The following XXYLT1 variants were observed in gnomAD, a reference collection of about 807,000 sequenced individuals.
XXYLT1 encodes UDP-xylose:alpha-xyloside alpha-1,3-xylosyltransferase.
XXYLT1 carries 20 observed loss-of-function variants against 28.9 expected under a neutral mutation model. The ratio of observed to expected loss-of-function variants is 0.69; its 90% CI spans 0.49 to 1.00. The LOEUF (loss-of-function observed/expected upper bound fraction) is 1.00. Ranked by LOEUF, XXYLT1 falls within the 50% of genes least tolerant of loss-of-function variation. The probability of loss-of-function intolerance (pLI) is 0.00; values close to 1 mark genes in which losing one functional copy is unlikely to be tolerated. For missense variants in XXYLT1, 542 were observed against 560.1 expected (o/e 0.97, Z 0.33); for synonymous variants, 257 against 253.8 (o/e 1.01, Z -0.12).
intron 1 of XXYLT1, among the ~76,000 whole-genome samples, chr3:195,266,452 C>A (rs1350635956): frequency 6.6e-6 from 1 of 151,828 alleles, no homozygotes; most frequent in African/African-American, 2.4e-5. Context: ...CGAGACCGCA[C>A]CACAGCACCC....
chr3:195,156,750 C>A (rs565384493), intron 2 of XXYLT1, among the ~76,000 whole-genome samples, 169 bp from the exon 3 acceptor site: 1 of 152,282 alleles, frequency 6.6e-6, no homozygotes, highest in South Asian at 2.1e-4. Flanking sequence ...TACCAGCAAC[C>A]CCTCCACACT....
rs1185554002 is a variant in XXYLT1, at chr3:195,255,001, A to C, written c.504+15554T>G. On this transcript the variant is annotated intron_variant, in intron 1 of 3. Transcript: ENST00000310380. This position sits in a 1 kb window ranked among gnomAD's most constrained non-coding sequence, Gnocchi z 4.5. Reference sequence around the variant, plus strand: ...ATTCAAGAGACACACGCCCATTCCCACACCCGCTGCACAGGAAAGAGAAAG... The same window carrying C: ...ATTCAAGAGACACACGCCCATTCCCCCACCCGCTGCACAGGAAAGAGAAAG... Among the ~76,000 whole-genome samples, 2 of 152,046 alleles carry C rather than the reference A, an allele frequency of 1.3e-5. No homozygotes were observed. The highest frequency in any genetic ancestry group is 1.5e-5 in the Non-Finnish European group (1 of 68,012).
At chr3:195,085,507 G>A (rs1405709685) in intron 3 of XXYLT1, among the ~76,000 whole-genome samples, 2 of 152,182 alleles carry the variant, frequency 1.3e-5, no homozygotes, top group Non-Finnish European at 2.9e-5. Context: ...GGTGGGAGGG[G>A]GGAGTCCACC....
intron 1 of XXYLT1, chr3:195,247,849 A>G (rs1260110170): frequency 1.4e-6 from 1 of 701,904 alleles, no homozygotes; most frequent in Non-Finnish European, 2.6e-6. Flanking sequence ...GTGCAGCAGG[A>G]CAGAGAGAGA....
chr3:195,142,460 A>C (rs959870658), intron 3 of XXYLT1, among the ~76,000 whole-genome samples: 1 of 152,188 alleles, frequency 6.6e-6, no homozygotes, highest in Non-Finnish European at 1.5e-5. Context: ...TAGCTGGCAA[A>C]GACACCAAAA....
chr3:195,167,384 A>C (rs1277470093), intron 2 of XXYLT1, among the ~76,000 whole-genome samples: 1 of 152,168 alleles, frequency 6.6e-6, no homozygotes, highest in Non-Finnish European at 1.5e-5. Flanking sequence ...TGAAGTTAGA[A>C]GTTCGAGGCC....
intron 3 of XXYLT1, among the ~76,000 whole-genome samples, chr3:195,111,466 C>T (rs986889814): frequency 3.3e-5 from 5 of 151,946 alleles, no homozygotes; most frequent in African/African-American, 1.2e-4. Context: ...AAGGAGGTGG[C>T]GGAGAGGGTC....
At chr3:195,194,010 G>C (rs892045663) in intron 2 of XXYLT1, among the ~76,000 whole-genome samples, 2 of 151,820 alleles carry the variant, frequency 1.3e-5, no homozygotes, top group Admixed American at 6.6e-5. Flanking sequence ...AGAATTCTTA[G>C]ATAATGACAC....
chr3:195,120,285 C>CA (rs1553805987), intron 3 of XXYLT1, among the ~76,000 whole-genome samples: 2 of 29,666 alleles, frequency 6.7e-5, no homozygotes, highest in African/African-American at 2.1e-4. Flanking sequence ...TGCTCAGATG[C>CA]CCCCCCCGCC....
chr3:195,181,262 T>G (rs551190031), intron 2 of XXYLT1, among the ~76,000 whole-genome samples: 2,056 of 120,288 alleles, frequency 0.017, 53 homozygotes, highest in African/African-American at 0.076. Flanking sequence ...TGGCTGTGTA[T>G]CTGCGTGGCT....
chr3:195,121,796 C>G (rs973854843), intron 3 of XXYLT1, among the ~76,000 whole-genome samples: 5 of 152,194 alleles, frequency 3.3e-5, no homozygotes, highest in African/African-American at 1.2e-4. Context: ...CATCAACTGG[C>G]CCTGTGACCT....
rs1028519112 is a variant in XXYLT1, at chr3:195,097,058, G to A, written c.786-26947C>T. On this transcript the variant is annotated intron_variant, in intron 3 of 3. Transcript: ENST00000310380. ...GACCCCTCAGACGGGCTCCCCTGGC[G>A]TCCCTCTGCTGGGACTTCCCATGTC... Among the ~76,000 whole-genome samples the A allele has an allele frequency of 3.3e-5, 5 of 152,204 alleles. No individual in the cohort carries two copies. In the East Asian group the frequency reaches 5.8e-4, roughly 18 times the overall value.
At chr3:195,243,103 C>T (rs1434967776) in intron 1 of XXYLT1, among the ~76,000 whole-genome samples, 9 of 152,040 alleles carry the variant, frequency 5.9e-5, no homozygotes, top group Non-Finnish European at 1.5e-5. Flanking sequence ...AGCAAACTAT[C>T]GCAAGGACAG....
chr3:195,118,682 A>T (rs1222972806), intron 3 of XXYLT1, among the ~76,000 whole-genome samples: 1 of 152,190 alleles, frequency 6.6e-6, no homozygotes, highest in Non-Finnish European at 1.5e-5. Context: ...GCAAAGGGAG[A>T]AATGAACCAT....
intron 1 of XXYLT1, chr3:195,248,057 G>A: frequency 1.9e-6 from 1 of 518,972 alleles, no homozygotes; most frequent in Non-Finnish European, 3.4e-6. Context: ...ACTTTCCAAG[G>A]CTGCCTGCTC....
intron 3 of XXYLT1, among the ~76,000 whole-genome samples, chr3:195,130,642 C>T (rs1031732286): frequency 3.9e-5 from 6 of 152,136 alleles, no homozygotes; most frequent in Admixed American, 3.3e-4. Flanking sequence ...TGGGGAAGGA[C>T]ATGCTATGCT....
At chr3:195,095,112 G>GT (rs1716352652) in intron 3 of XXYLT1, among the ~76,000 whole-genome samples, 2 of 152,242 alleles carry the variant, frequency 1.3e-5, no homozygotes, top group Non-Finnish European at 2.9e-5. Flanking sequence ...GAAGGTGGAG[G>GT]TAAGAGTGAG....
chr3:195,243,100 T>C (rs888433796), intron 1 of XXYLT1, among the ~76,000 whole-genome samples: 1 of 151,970 alleles, frequency 6.6e-6, no homozygotes, highest in Non-Finnish European at 1.5e-5. Context: ...CTCAGCAAAC[T>C]ATCGCAAGGA....
At chr3:195,250,831 T>C (rs944227697) in intron 1 of XXYLT1, among the ~76,000 whole-genome samples, 2 of 152,224 alleles carry the variant, frequency 1.3e-5, no homozygotes, top group East Asian at 3.8e-4. Flanking sequence ...GTTCTGTCTC[T>C]TCTGTTCATT....
Sources: gnomAD v4.1 joint callset for allele counts (sites outside exome capture counted in the v4.1 genomes callset) on GRCh38, gnomAD v4.1.1 for gene constraint, Gnocchi (gnomAD v3.1) non-coding constraint, MANE v1.5 for transcripts, NCBI Gene and HGNC (gene_info 2026-07-23, HGNC 2026-07-21) for gene names.